Variants in ADAMTS17 observed in about 807,000 individuals in gnomAD.
ADAMTS17 encodes ADAM metallopeptidase with thrombospondin type 1 motif 17.
ADAMTS17 carries 113 observed loss-of-function variants against 141.5 expected under a neutral mutation model. The observed-to-expected ratio is 0.80, with a 90% CI of 0.69 to 0.93. ADAMTS17 has a LOEUF of 0.93. Ranked by LOEUF, ADAMTS17 falls within the 40% of genes least tolerant of loss-of-function variation. The probability of loss-of-function intolerance (pLI) is 0.00; values close to 1 mark genes in which losing one functional copy is unlikely to be tolerated. For missense variants in ADAMTS17, 1,659 were observed against 1,517.9 expected (o/e 1.09, Z -1.54); for synonymous variants, 768 against 630.6 (o/e 1.22, Z -3.27).
intron 10 of ADAMTS17, among the ~76,000 whole-genome samples, chr15:100,148,874 G>T (rs1375137430): frequency 6.6e-6 from 1 of 151,970 alleles, no homozygotes; most frequent in Admixed American, 6.6e-5. Flanking sequence ...TTAGTCATGT[G>T]GATAACTGGG....
Position 100,261,564 on chromosome 15 carries a change from C to A in ADAMTS17, c.946G>T (p.Gly316Ter). 1 of 1,614,144 alleles carries A rather than the reference C, an allele frequency of 6.2e-7. No homozygotes were observed. The highest frequency in any genetic ancestry group is 1.1e-5 in the South Asian group (1 of 91,070). Residue 316 changes from glycine to a stop codon, truncating the protein, a stop_gained, in exon 6 of 22, where the codon GGA becomes TGA. Coordinates refer to ENST00000268070, the MANE Select transcript of ADAMTS17 (RefSeq NM_139057.4). LOFTEE classifies it high-confidence loss of function. ...TTATTGCCGAGGTATCGCGCTCCTC[C>A]ATACTCCTCGTTCTGCCAGTGACAG... ...SFCHWQNEEY[G>*]GARYLGNNQV...
chr15:100,050,964 C>T (rs1022164564), intron 17 of ADAMTS17, among the ~76,000 whole-genome samples: 5 of 152,216 alleles, frequency 3.3e-5, no homozygotes, highest in African/African-American at 1.2e-4. Flanking sequence ...TTGATTCTTG[C>T]TGTACGACAG....
rs1190812409 is a variant in ADAMTS17, at chr15:99,997,439, C to G, written c.2742G>C (p.Gln914His). 6.2e-7 allele frequency: 1 copy of G among 1,613,696 alleles called. No homozygotes were observed. The highest frequency in any genetic ancestry group is 8.5e-7 in the Non-Finnish European group (1 of 1,179,994). Residue 914 changes from glutamine to histidine, a missense_variant, in exon 19 of 22, where the codon CAG becomes CAC. Gln to His is a conservative substitution (Grantham distance 24). Transcript: ENST00000268070. The surrounding 1 kb of genome is among the most constrained non-coding windows in gnomAD (Gnocchi z 4.7). ...ACAGGCAGTCCTGGCCTTCACAGCT[C>G]TGCACTGCCGCCGGCCGGGGGCCCG... ...YCPGPRPAAV[Q>H]SCEGQDCLSI... is the part of the protein sequence containing the mutation.
At chr15:100,162,338 G>A (rs988695044) in intron 8 of ADAMTS17, among the ~76,000 whole-genome samples, 2 of 148,248 alleles carry the variant, frequency 1.3e-5, no homozygotes, top group African/African-American at 4.9e-5. Context: ...GTATATACCT[G>A]TCCTATATAC....
intron 7 of ADAMTS17, among the ~76,000 whole-genome samples, chr15:100,202,975 A>T (rs531435850): frequency 1.3e-4 from 18 of 138,716 alleles, no homozygotes; most frequent in African/African-American, 6.2e-4. Context: ...CACAGAACTT[A>T]TTTAAAAATT....
chr15:100,090,088 AG>A lies in ADAMTS17; in HGVS notation c.2137+6267del, dbSNP rs374172039. On this transcript the variant is annotated intron_variant, in intron 15 of 21. Coordinates refer to ENST00000268070, the MANE Select transcript of ADAMTS17 (RefSeq NM_139057.4). Reference sequence around the variant, plus strand: ...TCTCTACTGAAAAATTCTGGCCACAAGAAAACCAGCTTTTAGGATTGTGGCA... The same window carrying A: ...TCTCTACTGAAAAATTCTGGCCACAAAAAACCAGCTTTTAGGATTGTGGCA... 2.4e-3 allele frequency among the ~76,000 whole-genome samples: 371 copies of A among 152,314 alleles called. 2 individuals carry two copies. Among genetic ancestry groups the A allele is most frequent in the African/African-American group, 8.5e-3 (353 of 41,558 alleles).
At chr15:100,101,136 GC>G (rs1346029355) in intron 14 of ADAMTS17, among the ~76,000 whole-genome samples, 1 of 152,150 alleles carries the variant, frequency 6.6e-6, no homozygotes, top group African/African-American at 2.4e-5. Context: ...GCTTCCCTCT[GC>G]CTGGAGCTCT....
chr15:100,196,886 C>T (rs2041138365), intron 8 of ADAMTS17, among the ~76,000 whole-genome samples: 1 of 152,172 alleles, frequency 6.6e-6, no homozygotes, highest in Non-Finnish European at 1.5e-5. Flanking sequence ...CAAAGACTTC[C>T]CTGGGAAACC....
Position 99,990,439 on chromosome 15 carries a change from T to C in ADAMTS17, c.2949+2609A>G, listed in dbSNP as rs1355429603. Among the ~76,000 whole-genome samples, 3 of 151,968 alleles carry C rather than the reference T, an allele frequency of 2.0e-5. No homozygotes were observed. The East Asian group carries it at 5.8e-4, about 29-fold the overall frequency. ...TAAGCTTTATTAACATCCAAGTAAC[T>C]GTGTGACGTCCCTGTTTGGTTTTGG... On this transcript the variant is annotated intron_variant, in intron 20 of 21. Coordinates refer to ENST00000268070, the MANE Select transcript of ADAMTS17 (RefSeq NM_139057.4).
At chr15:100,332,845 C>T (rs181946303) in intron 2 of ADAMTS17, among the ~76,000 whole-genome samples, 1 of 152,344 alleles carries the variant, frequency 6.6e-6, no homozygotes, top group African/African-American at 2.4e-5. Context: ...GCCCCGGCAG[C>T]CACTTGCCCT....
intron 2 of ADAMTS17, among the ~76,000 whole-genome samples, chr15:100,338,188 C>T (rs192102092): frequency 1.3e-5 from 2 of 152,328 alleles, no homozygotes; most frequent in Non-Finnish European, 2.9e-5. Flanking sequence ...GCGGCAGGCC[C>T]ATGCCTCTAT....
At chr15:100,294,752 T>A (rs2044752583) in intron 3 of ADAMTS17, among the ~76,000 whole-genome samples, 1 of 152,144 alleles carries the variant, frequency 6.6e-6, no homozygotes, top group African/African-American at 2.4e-5. Flanking sequence ...CACTCTAACA[T>A]CTCAACATTC....
At chr15:100,275,624 C>T (rs1478064276) in intron 4 of ADAMTS17, among the ~76,000 whole-genome samples, 1 of 152,152 alleles carries the variant, frequency 6.6e-6, no homozygotes, top group Non-Finnish European at 1.5e-5. Flanking sequence ...CTCACAGGCT[C>T]TGCACCCTGG....
intron 16 of ADAMTS17, among the ~76,000 whole-genome samples, chr15:100,052,287 C>T (rs968899943): frequency 6.6e-6 from 1 of 152,234 alleles, no homozygotes. Flanking sequence ...ACTGGTGATA[C>T]TGATTCTGCA....
chr15:100,339,398 T>C (rs1161862848), intron 2 of ADAMTS17, among the ~76,000 whole-genome samples: 2 of 152,214 alleles, frequency 1.3e-5, no homozygotes, highest in Non-Finnish European at 2.9e-5. Context: ...GATTCAGATG[T>C]TTCCATGTAC....
intron 8 of ADAMTS17, among the ~76,000 whole-genome samples, chr15:100,179,849 C>G (rs1049575988): frequency 3.9e-5 from 6 of 152,088 alleles, no homozygotes; most frequent in Non-Finnish European, 7.4e-5. Flanking sequence ...CTATTCAGAT[C>G]TTTTGCGCGT....
At chr15:100,268,694 A>G (rs887970640) in intron 4 of ADAMTS17, among the ~76,000 whole-genome samples, 25 of 152,214 alleles carry the variant, frequency 1.6e-4, no homozygotes, top group African/African-American at 5.1e-4. Flanking sequence ...CCTTTGTCAG[A>G]TAGTTTGCAA....
intron 18 of ADAMTS17, among the ~76,000 whole-genome samples, chr15:100,006,546 A>G (rs2061039471): frequency 6.6e-6 from 1 of 152,242 alleles, no homozygotes; most frequent in African/African-American, 2.4e-5. Context: ...AGCCAAAGAG[A>G]GAGCCCTGGT....
intron 15 of ADAMTS17, among the ~76,000 whole-genome samples, chr15:100,088,654 G>A (rs981757070): frequency 4.6e-5 from 7 of 151,660 alleles, no homozygotes; most frequent in African/African-American, 1.7e-4. Flanking sequence ...ATAGACCAAT[G>A]GAACAGAACA....
Sources: allele counts gnomAD v4.1 joint callset (sites outside exome capture counted in the v4.1 genomes callset), GRCh38; gene constraint gnomAD v4.1.1; non-coding constraint Gnocchi (gnomAD v3.1); transcripts MANE v1.5; gene names NCBI Gene and HGNC (gene_info 2026-07-23, HGNC 2026-07-21).